CYP19A1: variants seen among roughly 807,000 people sequenced by gnomAD.
CYP19A1 encodes the protein cytochrome P450 family 19 subfamily A member 1.
CYP19A1 carries 32 observed loss-of-function variants against 44.4 expected under a neutral mutation model. That is an observed-to-expected ratio of 0.72 (90% confidence interval 0.54 to 0.97). CYP19A1 has a LOEUF of 0.97. Ranked by LOEUF, CYP19A1 falls within the 50% of genes least tolerant of loss-of-function variation. The probability of loss-of-function intolerance (pLI) is 0.00; values close to 1 mark genes in which losing one functional copy is unlikely to be tolerated. For missense variants in CYP19A1, 598 were observed against 637.8 expected (o/e 0.94, Z 0.67); for synonymous variants, 212 against 215.6 (o/e 0.98, Z 0.14).
At chr15:51,217,800 A>T (rs2031717619) in intron 6 of CYP19A1, among the ~76,000 whole-genome samples, 1 of 152,200 alleles carries the variant, frequency 6.6e-6, no homozygotes, top group African/African-American at 2.4e-5. Flanking sequence ...ATCTTATTTT[A>T]AATAACTTCC....
chr15:51,234,880 G>C (rs545407042), intron 3 of CYP19A1, among the ~76,000 whole-genome samples: 17 of 152,296 alleles, frequency 1.1e-4, no homozygotes, highest in Non-Finnish European at 1.5e-4. Context: ...TACAGCTAGG[G>C]TGAGAGGCAC....
intron 1 of CYP19A1, among the ~76,000 whole-genome samples, chr15:51,319,765 C>T (rs767286527): frequency 6.6e-6 from 1 of 152,224 alleles, no homozygotes; most frequent in Non-Finnish European, 1.5e-5. Flanking sequence ...GCAAGCTGCT[C>T]TTTTAAGTGG....
chr15:51,231,537 C>T (rs1178866301), intron 3 of CYP19A1, among the ~76,000 whole-genome samples: 2 of 152,064 alleles, frequency 1.3e-5, no homozygotes, highest in Non-Finnish European at 2.9e-5. Flanking sequence ...GATAAGACCA[C>T]ACTCTAGCTA....
chr15:51,262,332 GCTGTGAGAC>G (rs1190837971), intron 1 of CYP19A1, among the ~76,000 whole-genome samples: 4 of 152,108 alleles, frequency 2.6e-5, no homozygotes, highest in Admixed American at 2.6e-4. Context: ...AGCTCTGAAG[GCTGTGAGAC>G]CCCTGATTTC....
intron 1 of CYP19A1, among the ~76,000 whole-genome samples, chr15:51,328,566 GTGTGTGTGTGTGTGTGTGTACA>G (rs1427637728): frequency 6.6e-6 from 1 of 152,026 alleles, no homozygotes; most frequent in Non-Finnish European, 1.5e-5. Flanking sequence ...GTGTGTGTGT[GTGTGTGTGTGTGTGTGTGTACA>G]TGTGTGTGTA....
Position 51,212,193 on chromosome 15 carries a change from G to GCTCCAAGCTAGGGGACGT in CYP19A1, c.1263+126_1263+127insACGTCCCCTAGCTTGGAG. The GCTCCAAGCTAGGGGACGT allele has an allele frequency of 3.8e-6, 3 of 790,248 alleles. No individual in the cohort carries two copies. The Admixed American group carries it at 5.2e-5, about 14-fold the overall frequency. 49.0% of individuals were successfully genotyped at this position (790,248 alleles called of 1,614,324 possible). A position where few individuals can be genotyped will look rare whatever the true frequency, so the allele number is the denominator to read the frequency against. On this transcript the variant is annotated intron_variant, in intron 9 of 9. Coordinates refer to ENST00000396402, the MANE Select transcript of CYP19A1 (RefSeq NM_000103.4). ...CAAGCTAGGGGACGTGTGTGCTCCT[G>GCTCCAAGCTAGGGGACGT]GTGAGGTGGCAGAGGGAATGAGTAA... is the stretch of plus-strand genomic sequence containing the variant.
chr15:51,260,401 C>T (rs977088156), intron 1 of CYP19A1, among the ~76,000 whole-genome samples: 6 of 152,206 alleles, frequency 3.9e-5, no homozygotes, highest in Admixed American at 1.3e-4. Context: ...TGACTAAAAA[C>T]GTCTGGTTCC....
At chr15:51,216,949 T>C (rs1282984619) in intron 6 of CYP19A1, among the ~76,000 whole-genome samples, 1 of 152,210 alleles carries the variant, frequency 6.6e-6, no homozygotes, top group African/African-American at 2.4e-5. Context: ...TGTAAGTGTA[T>C]TGTTCCCTTA....
chr15:51,337,662 A>T (rs1297583536), intron 1 of CYP19A1, among the ~76,000 whole-genome samples: 1 of 152,224 alleles, frequency 6.6e-6, no homozygotes, highest in Non-Finnish European at 1.5e-5. Context: ...AGTGGGCAAC[A>T]CTGAAATAGG....
intron 1 of CYP19A1, among the ~76,000 whole-genome samples, chr15:51,332,710 G>A (rs1268399433): frequency 6.6e-6 from 1 of 152,182 alleles, no homozygotes; most frequent in East Asian, 1.9e-4. Context: ...CCTTGACCCT[G>A]ACAGAGGAGT....
intron 1 of CYP19A1, among the ~76,000 whole-genome samples, chr15:51,262,319 C>G (rs1251081036): frequency 6.6e-6 from 1 of 152,176 alleles, no homozygotes; most frequent in East Asian, 1.9e-4. Context: ...GTTCAGGGCT[C>G]TCAGCTCTGA....
chr15:51,293,926 G>A (rs1259436967), intron 1 of CYP19A1: 5 of 211,188 alleles, frequency 2.4e-5, no homozygotes, highest in African/African-American at 4.8e-5. Flanking sequence ...CCTCCCAGCC[G>A]CCTGCCTTGG....
chr15:51,229,555 A>C (rs1241883365), intron 3 of CYP19A1, among the ~76,000 whole-genome samples: 1 of 152,048 alleles, frequency 6.6e-6, no homozygotes, highest in Non-Finnish European at 1.5e-5. Context: ...GCCTCTCCCT[A>C]GCAAAAATAA....
At position 51,212,443 on chromosome 15, in the gene CYP19A1, A is replaced by T; in HGVS notation, c.1140T>A (p.Asp380Glu). The T allele has an allele frequency of 6.2e-7, 1 of 1,610,872 alleles. No individual in the cohort carries two copies. Among genetic ancestry groups the T allele is most frequent in the South Asian group, 1.1e-5 (1 of 91,016 alleles). The change falls in exon 9 of 10, where the codon GAT (aspartate) becomes GAA (glutamate). Residue 380 changes from aspartate to glutamate, a missense_variant. By Grantham distance (45) the Asp-to-Glu change is conservative. Transcript: ENST00000396402. ...VDLVMRKALEDDVIDGYPVKK... is the reference protein window; with the variant it reads ...VDLVMRKALEEDVIDGYPVKK... ...TCACTGGGTAGCCATCGATTACATC[A>T]TCTTCTAAGGCTTTGCGCATGACCA...
At position 51,294,136 on chromosome 15, in the gene CYP19A1, C is replaced by T. The variant is rs1192984426; in HGVS notation, c.-39+44359G>A. 5.2e-5 allele frequency among the ~76,000 whole-genome samples: 7 copies of T among 135,880 alleles called. 1 individual carries two copies. The highest frequency in any genetic ancestry group is 4.9e-4 in the Admixed American group (7 of 14,334). The allele number at this position is 135,880 out of a possible 152,430, so 89.1% of individuals were successfully genotyped here. A position where few individuals can be genotyped will look rare whatever the true frequency, so the allele number is the denominator to read the frequency against. ...GGAGCGTCTCTGCCCGGCTGCCCAT[C>T]GTCTGGGATGTGAGGAGCCCCTCTG... is the stretch of plus-strand genomic sequence containing the variant. On this transcript the variant is annotated intron_variant, in intron 1 of 9. Coordinates refer to ENST00000396402, the MANE Select transcript of CYP19A1 (RefSeq NM_000103.4).
intron 1 of CYP19A1, among the ~76,000 whole-genome samples, chr15:51,257,273 A>G (rs971921479): frequency 8.5e-5 from 13 of 152,230 alleles, no homozygotes; most frequent in African/African-American, 3.1e-4. Flanking sequence ...AATATTAGGT[A>G]ACTTGCCCAA....
intron 1 of CYP19A1, among the ~76,000 whole-genome samples, chr15:51,275,972 CAAG>C (rs2035294545): frequency 6.6e-6 from 1 of 152,180 alleles, no homozygotes; most frequent in South Asian, 2.1e-4. Context: ...AAAGGGCCGT[CAAG>C]TTTGTCTAGG....
chr15:51,212,155 G>T, intron 9 of CYP19A1, 165 bp downstream of exon 9: 1 of 693,110 alleles, frequency 1.4e-6, no homozygotes, highest in East Asian at 2.6e-5. Context: ...GGATGAATAC[G>T]GGAGCCCTGC....
chr15:51,317,861 A>G (rs911786140), intron 1 of CYP19A1, among the ~76,000 whole-genome samples: 10 of 152,200 alleles, frequency 6.6e-5, no homozygotes, highest in Non-Finnish European at 1.5e-4. Flanking sequence ...GCCCATCTCA[A>G]TTCTCCTGAC....
Sources: gnomAD v4.1 joint callset for allele counts (sites outside exome capture counted in the v4.1 genomes callset) on GRCh38, gnomAD v4.1.1 for gene constraint, MANE v1.5 for transcripts, NCBI Gene and HGNC (gene_info 2026-07-23, HGNC 2026-07-21) for gene names.